LY86: variants seen among roughly 807,000 people sequenced by gnomAD.
LY86 encodes the protein lymphocyte antigen 86, also known as MD-1, RP105-associated.
LY86 carries 20 observed loss-of-function variants against 17.3 expected under a neutral mutation model. The ratio of observed to expected loss-of-function variants is 1.15; its 90% CI spans 0.81 to 1.68. The LOEUF (loss-of-function observed/expected upper bound fraction) is 1.68, where lower values mean the gene tolerates loss of function less well. LY86 is among the 40% of genes most tolerant of loss of function. The pLI, the probability that LY86 is intolerant of heterozygous loss-of-function variation, is 0.00. For missense variants in LY86, 200 were observed against 191.9 expected (o/e 1.04, Z -0.25); for synonymous variants, 74 against 70.6 (o/e 1.05, Z -0.24).
At chr6:6,603,603 C>CAAAAAAAAAAAAAAAAAAAAAAAAAA (rs1207511602) in intron 1 of LY86, among the ~76,000 whole-genome samples, 26 of 70,462 alleles carry the variant, frequency 3.7e-4, no homozygotes, top group Non-Finnish European at 4.8e-4. Context: ...AAAACAGAAA[C>CAAAAAAAAAAAAAAAAAAAAAAAAAA]AGAAAAAAAA....
chr6:6,619,000 T>C (rs1418075423), intron 1 of LY86, among the ~76,000 whole-genome samples: 1 of 152,116 alleles, frequency 6.6e-6, no homozygotes, highest in Non-Finnish European at 1.5e-5. Context: ...GAAAGTTAAT[T>C]TTGCATTGTG....
chr6:6,593,738 A>G (rs755906997), intron 1 of LY86, among the ~76,000 whole-genome samples: 20 of 152,198 alleles, frequency 1.3e-4, no homozygotes, highest in Non-Finnish European at 1.8e-4. Flanking sequence ...TATAGGGATG[A>G]GCGATGAGGG....
rs74511106 is a variant in LY86 at position 6,602,122 on chromosome 6, G to T, written c.136+13252G>T. On this transcript the variant is annotated intron_variant, in intron 1 of 4. Transcript: ENST00000230568. Reference sequence around the variant, plus strand: ...ACTTCCAGGAAACATCCTTCAGTTCGATTTTACCATCACCACCCTCTGTAT... The same window carrying T: ...ACTTCCAGGAAACATCCTTCAGTTCTATTTTACCATCACCACCCTCTGTAT... Among the ~76,000 whole-genome samples the T allele has an allele frequency of 6.8e-3, 1,038 of 152,232 alleles. 8 individuals are homozygous for T. Among genetic ancestry groups the T allele is most frequent in the African/African-American group, 0.023 (972 of 41,542 alleles).
intron 1 of LY86, among the ~76,000 whole-genome samples, chr6:6,600,938 C>CT (rs1306545228): frequency 4.6e-5 from 7 of 152,218 alleles, no homozygotes; most frequent in African/African-American, 1.4e-4. Flanking sequence ...TGAGCAACAG[C>CT]TTTTCTGCCT....
Position 6,649,485 on chromosome 6 carries a change from A to ATC in LY86, c.353-140_353-139insTC. ...GAATGAATGGTAGGTGTAGATCAGG[A>ATC]AATGAAAACATTTCTAGCAATAGCT... On this transcript the variant is annotated intron_variant, in intron 3 of 4. Transcript: ENST00000230568. 2.1e-5 allele frequency: 9 copies of ATC among 429,446 alleles called. No individual in the cohort carries two copies. The South Asian group carries it at 2.2e-4, about 10-fold the overall frequency. 26.6% of individuals were successfully genotyped at this position (429,446 alleles called of 1,614,324 possible).
intron 1 of LY86, among the ~76,000 whole-genome samples, chr6:6,607,760 C>T (rs1173363349): frequency 2.0e-5 from 3 of 151,970 alleles, no homozygotes; most frequent in African/African-American, 7.3e-5. Context: ...ATTAGCTGGG[C>T]GTAGTGGCGG....
intron 1 of LY86, among the ~76,000 whole-genome samples, chr6:6,612,573 C>T (rs1761410640): frequency 6.6e-6 from 1 of 151,258 alleles, no homozygotes; most frequent in South Asian, 2.1e-4. Context: ...ACTAGTGGAG[C>T]CTGCAGCCTG....
At chr6:6,641,962 TC>T (rs1257635306) in intron 3 of LY86, among the ~76,000 whole-genome samples, 1 of 152,224 alleles carries the variant, frequency 6.6e-6, no homozygotes, top group African/African-American at 2.4e-5. Context: ...CTCAGAATTG[TC>T]CTTCTCAGGG....
At chr6:6,619,927 C>T (rs1761636544) in intron 1 of LY86, among the ~76,000 whole-genome samples, 1 of 151,988 alleles carries the variant, frequency 6.6e-6, no homozygotes, top group African/African-American at 2.4e-5. Flanking sequence ...AGAAAGACTA[C>T]CTTTACAAAG....
At chr6:6,620,818 T>C (rs1477456099) in intron 1 of LY86, 2 of 152,400 alleles carry the variant, frequency 1.3e-5, no homozygotes, top group East Asian at 3.9e-4. Context: ...TCCAACTCTA[T>C]TTTACTCCAT....
Position 6,603,610 on chromosome 6 carries a change from A to AAC in LY86, c.136+14741_136+14742insCA, listed in dbSNP as rs1561778036. ...CAAAAACAAAAACAGAAACAGAAAA[A>AAC]AAAACAAACAAAAAAAAACAAAACA... is the stretch of plus-strand genomic sequence containing the variant. On this transcript the variant is annotated intron_variant, in intron 1 of 4. Transcript: ENST00000230568. Among the ~76,000 whole-genome samples, 86 of 35,326 alleles carry AAC rather than the reference A, an allele frequency of 2.4e-3. 3 individuals are homozygous for AAC. The highest frequency in any genetic ancestry group is 4.9e-3 in the African/African-American group (86 of 17,588). The allele number at this position is 35,326 out of a possible 152,430, so 23.2% of individuals were successfully genotyped here.
At chr6:6,605,367 G>A (rs1388734952) in intron 1 of LY86, among the ~76,000 whole-genome samples, 1 of 152,238 alleles carries the variant, frequency 6.6e-6, no homozygotes, top group Non-Finnish European at 1.5e-5. Context: ...TCTAGGCTTG[G>A]CTGGGGGAGC....
chr6:6,630,027 G>A (rs755958675), intron 3 of LY86, among the ~76,000 whole-genome samples: 3 of 152,186 alleles, frequency 2.0e-5, no homozygotes, highest in Non-Finnish European at 4.4e-5. Flanking sequence ...GTGTGTAAGT[G>A]TATACACAAA....
chr6:6,643,622 G>A (rs190398834), intron 3 of LY86, among the ~76,000 whole-genome samples: 6 of 152,240 alleles, frequency 3.9e-5, no homozygotes, highest in Non-Finnish European at 5.9e-5. Context: ...TGTATTGTGC[G>A]TTGCTAACGG....
chr6:6,611,391 C>T (rs1761327712), intron 1 of LY86, among the ~76,000 whole-genome samples: 1 of 152,198 alleles, frequency 6.6e-6, no homozygotes, highest in Non-Finnish European at 1.5e-5. Context: ...TTCTAAAACA[C>T]GGATGATAGC....
In LY86 at chr6:6,604,202, C is replaced by A. The variant is rs775950594; in HGVS notation, c.136+15332C>A. On this transcript the variant is annotated intron_variant, in intron 1 of 4. Coordinates refer to ENST00000230568, the MANE Select transcript of LY86 (RefSeq NM_004271.4). ...AAATTTTTAACCATAAGCTCACAGT[C>A]CAAAATTCAAAAAGACAAGGAAATA... Among the ~76,000 whole-genome samples the A allele has an allele frequency of 3.7e-4, 56 of 151,982 alleles. 2 individuals are homozygous for A. Among genetic ancestry groups the A allele is most frequent in the Admixed American group, 3.1e-3 (47 of 15,268 alleles).
At chr6:6,616,401 G>C (rs1180263631) in intron 1 of LY86, among the ~76,000 whole-genome samples, 2 of 152,186 alleles carry the variant, frequency 1.3e-5, no homozygotes, top group African/African-American at 4.8e-5. Flanking sequence ...GTGCAGTGCT[G>C]AGGGCCCTGG....
At chr6:6,604,888 T>C (rs1406411122) in intron 1 of LY86, among the ~76,000 whole-genome samples, 1 of 149,988 alleles carries the variant, frequency 6.7e-6, no homozygotes, top group Non-Finnish European at 1.5e-5. Flanking sequence ...AAAGAAGTTA[T>C]AGACTGACAG....
At chr6:6,653,315 C>T (rs1236480369) in intron 4 of LY86, among the ~76,000 whole-genome samples, 2 of 152,174 alleles carry the variant, frequency 1.3e-5, no homozygotes, top group Admixed American at 6.5e-5. Flanking sequence ...TTGCTTTATA[C>T]AGATTAAACT....
Sources: gnomAD v4.1 joint callset for allele counts (sites outside exome capture counted in the v4.1 genomes callset) on GRCh38, gnomAD v4.1.1 for gene constraint, MANE v1.5 for transcripts, NCBI Gene and HGNC (gene_info 2026-07-23, HGNC 2026-07-21) for gene names.